Variants in SPATA6 observed in about 807,000 individuals in gnomAD.
The protein encoded by SPATA6 is spermatogenesis-associated protein 6.
A neutral mutation model predicts 65.3 loss-of-function variants in SPATA6; 56 were observed. The observed-to-expected ratio is 0.86, with a 90% CI of 0.69 to 1.07. The LOEUF is 1.07. Among genes scored for constraint, SPATA6 ranks in the 50% least tolerant of loss-of-function variants. The pLI is 0.00. For synonymous variants in SPATA6, 199 were observed against 213.2 expected (o/e 0.93, Z 0.58); for missense variants, 590 against 594.8 (o/e 0.99, Z 0.08).
intron 1 of SPATA6, among the ~76,000 whole-genome samples, chr1:48,454,988 C>A (rs1181598706): frequency 6.6e-6 from 1 of 152,166 alleles, no homozygotes; most frequent in Non-Finnish European, 1.5e-5. Flanking sequence ...ATCTTCTCTG[C>A]CAGCTATTTG....
intron 8 of SPATA6, 54 bp downstream of exon 8, chr1:48,395,209 AAGGC>A (rs1204268221): frequency 5.3e-6 from 7 of 1,329,162 alleles, no homozygotes; most frequent in Non-Finnish European, 6.1e-6. Context: ...TGCCAAATTA[AAGGC>A]TTGATTGTAG....
intron 5 of SPATA6, among the ~76,000 whole-genome samples, chr1:48,405,216 G>A (rs910263428): frequency 1.3e-5 from 2 of 152,202 alleles, no homozygotes; most frequent in African/African-American, 4.8e-5. Context: ...AAGAAGAGTA[G>A]TTAGGCTACA....
chr1:48,452,700 T>G (rs1197766457), intron 2 of SPATA6, among the ~76,000 whole-genome samples: 2 of 152,194 alleles, frequency 1.3e-5, no homozygotes, highest in Non-Finnish European at 2.9e-5. Flanking sequence ...TTCTTATCTA[T>G]TAATGACTTT....
chr1:48,363,383 C>T (rs1570303793), intron 9 of SPATA6, among the ~76,000 whole-genome samples: 1 of 152,064 alleles, frequency 6.6e-6, no homozygotes, highest in Non-Finnish European at 1.5e-5. Context: ...GGCTTAGAGT[C>T]CAAAAACTTA....
At chr1:48,268,464 T>C in the SPATA6 span, among the ~76,000 whole-genome samples, 3 of 152,018 alleles carry the variant, frequency 2.0e-5, no homozygotes, top group Admixed American at 6.6e-5. Context: ...GTAGGGTCAC[T>C]TCTGCTGAAC....
the SPATA6 span, among the ~76,000 whole-genome samples, chr1:48,262,065 C>G: frequency 1.3e-5 from 2 of 152,028 alleles, no homozygotes; most frequent in Non-Finnish European, 2.9e-5. Flanking sequence ...AGCAAATGAA[C>G]AGCTAGAACA....
chr1:48,382,249 G>GC (rs1414705146), intron 9 of SPATA6, among the ~76,000 whole-genome samples: 1 of 96,522 alleles, frequency 1.0e-5, no homozygotes, highest in Non-Finnish European at 2.1e-5. Context: ...TCGTGGCCGG[G>GC]CAGAGGGGCT....
At chr1:48,370,908 T>C (rs1415049537) in intron 9 of SPATA6, among the ~76,000 whole-genome samples, 1 of 152,164 alleles carries the variant, frequency 6.6e-6, no homozygotes, top group Non-Finnish European at 1.5e-5. Context: ...TAATCCAATA[T>C]ACACAGCTAA....
intron 11 of SPATA6, among the ~76,000 whole-genome samples, chr1:48,350,829 T>C (rs1398226201): frequency 4.6e-5 from 7 of 151,906 alleles, no homozygotes; most frequent in Admixed American, 4.6e-4. Flanking sequence ...CTTTGTTTGT[T>C]TCAGATCGTT....
intron 3 of SPATA6, among the ~76,000 whole-genome samples, chr1:48,429,834 C>T (rs374752535): frequency 1.3e-5 from 2 of 152,082 alleles, no homozygotes; most frequent in African/African-American, 2.4e-5. Context: ...CTGAAACATA[C>T]AATAACTAAA....
At chr1:48,435,988 T>A (rs1256375420) in intron 3 of SPATA6, 1 of 1,605,140 alleles carries the variant, frequency 6.2e-7, no homozygotes, top group Non-Finnish European at 8.5e-7. Context: ...GGATTGCTTC[T>A]GCACTTCAAG....
chr1:48,397,317 T>C (rs1023999147), intron 7 of SPATA6, among the ~76,000 whole-genome samples: 3 of 151,692 alleles, frequency 2.0e-5, no homozygotes, highest in Admixed American at 6.6e-5. Context: ...AACAACTGAA[T>C]TGTACACTTT....
intron 3 of SPATA6, among the ~76,000 whole-genome samples, chr1:48,449,277 G>A (rs1656341537): frequency 6.6e-6 from 1 of 152,176 alleles, no homozygotes; most frequent in Non-Finnish European, 1.5e-5. Flanking sequence ...AAAAGCTGAT[G>A]GGCGCCTTAT....
the SPATA6 span, among the ~76,000 whole-genome samples, chr1:48,268,991 T>C: frequency 6.6e-6 from 1 of 152,108 alleles, no homozygotes; most frequent in African/African-American, 2.4e-5. Flanking sequence ...ACAGTAAAAT[T>C]AAGGTTTGAG....
intron 3 of SPATA6, among the ~76,000 whole-genome samples, chr1:48,434,697 G>T (rs74075864): frequency 0.016 from 2,487 of 150,832 alleles, 81 homozygotes; most frequent in African/African-American, 0.057. Flanking sequence ...CACTTACGGG[G>T]GTGTGTGTGT....
At chr1:48,411,394 G>T in intron 5 of SPATA6, 70 bp downstream of exon 5, 1 of 1,471,198 alleles carries the variant, frequency 6.8e-7, no homozygotes, top group South Asian at 1.5e-5. Flanking sequence ...TTAAGATGGC[G>T]AGCACTATGC....
intron 11 of SPATA6, among the ~76,000 whole-genome samples, chr1:48,342,865 T>C (rs1205821664): frequency 6.6e-6 from 1 of 152,084 alleles, no homozygotes; most frequent in Non-Finnish European, 1.5e-5. Flanking sequence ...TAAAAAATTT[T>C]AAAGGACCTA....
chr1:48,381,091 T>C (rs531279417), intron 9 of SPATA6, among the ~76,000 whole-genome samples: 16 of 152,278 alleles, frequency 1.1e-4, no homozygotes, highest in Admixed American at 9.2e-4. Context: ...GAGAATCTAA[T>C]GCTGCCACTG....
intron 9 of SPATA6, among the ~76,000 whole-genome samples, chr1:48,361,600 G>A (rs565184105): frequency 6.6e-6 from 1 of 152,228 alleles, no homozygotes; most frequent in Non-Finnish European, 1.5e-5. Context: ...AAGAGTTTAT[G>A]TTATAGTAGC....
Sources: gnomAD v4.1 joint callset for allele counts (sites outside exome capture counted in the v4.1 genomes callset) on GRCh38, gnomAD v4.1.1 for gene constraint, MANE v1.5 for transcripts, NCBI Gene and HGNC (gene_info 2026-07-23, HGNC 2026-07-21) for gene names.